The following MYBL1 variants were observed in gnomAD, a reference collection of about 807,000 sequenced individuals.
MYBL1 encodes MYB proto-oncogene like 1.
In MYBL1, 17 loss-of-function variants were observed where a neutral mutation model predicts 96.3. The observed-to-expected ratio is 0.18, with a 90% CI of 0.12 to 0.26. The LOEUF is 0.26. Among genes scored for constraint, MYBL1 ranks in the 10% least tolerant of loss-of-function variants. The probability of loss-of-function intolerance (pLI) is 1.00; values close to 1 mark genes in which losing one functional copy is unlikely to be tolerated. For synonymous variants in MYBL1, 282 were observed against 292.7 expected, an observed-to-expected ratio of 0.96 and a Z score of 0.37; for missense variants, 701 against 882.9, an observed-to-expected ratio of 0.79 and a Z score of 2.61.
chr8:66,586,178 T>C (rs1809414449), intron 8 of MYBL1, among the ~76,000 whole-genome samples: 1 of 151,672 alleles, frequency 6.6e-6, no homozygotes, highest in Non-Finnish European at 1.5e-5. Context: ...TCTGAGTAGC[T>C]GGGACTACAG....
chr8:66,572,745 C>T (rs1370341605), intron 11 of MYBL1, 149 bp from the exon 12 acceptor site: 1 of 399,230 alleles, frequency 2.5e-6, no homozygotes, highest in Non-Finnish European at 4.4e-6. Flanking sequence ...AAAGTATGCC[C>T]ACCTATGGTA....
intron 12 of MYBL1, among the ~76,000 whole-genome samples, chr8:66,569,320 T>G (rs1403604492): frequency 1.3e-5 from 2 of 151,796 alleles, no homozygotes; most frequent in East Asian, 1.9e-4. Context: ...TATTCTATGG[T>G]GCATACGTAC....
At chr8:66,575,003 G>A (rs71515028) in intron 10 of MYBL1, among the ~76,000 whole-genome samples, 5 of 152,158 alleles carry the variant, frequency 3.3e-5, no homozygotes, top group South Asian at 2.1e-4. Flanking sequence ...GCGGTGAGCC[G>A]AGATGGTGCC....
At chr8:66,571,409 T>C (rs1413659374) in intron 12 of MYBL1, among the ~76,000 whole-genome samples, 1 of 152,190 alleles carries the variant, frequency 6.6e-6, no homozygotes, top group Non-Finnish European at 1.5e-5. Flanking sequence ...TGTTTTATGA[T>C]CTCCTTTGCA....
At position 66,576,328 on chromosome 8, in the gene MYBL1, A is replaced by C. The variant is rs1329376958; in HGVS notation, c.1149T>G (p.Ala383=). 1 of 1,613,750 alleles carries C rather than the reference A, an allele frequency of 6.2e-7. No homozygotes were observed. Among genetic ancestry groups the C allele is most frequent in the Admixed American group, 1.7e-5 (1 of 59,958 alleles). ...GGGTGGATTTGATAGGAGAAGCAGC[A>C]GCATCAGAAATATCAAAACTGGTAA... ...SDVTSFDISD[A]AASPIKSTPV... The change falls in exon 10 of 16, where the codon GCT becomes GCG. Residue 383 remains alanine, a synonymous_variant. Transcript: ENST00000522677.
At chr8:66,573,564 T>C in intron 10 of MYBL1, 58 bp from the exon 11 acceptor site, 2 of 1,364,828 alleles carry the variant, frequency 1.5e-6, no homozygotes, top group Non-Finnish European at 2.0e-6. Flanking sequence ...CCTACACAAA[T>C]ATTAAACTGA....
rs749420499 is a variant in MYBL1 at position 66,601,755 on chromosome 8, CTTTAA to C, written c.136_140del (p.Leu46GlufsTer4). The C allele has an allele frequency of 2.6e-6, 4 of 1,525,634 alleles. No homozygotes were observed. The highest frequency in any genetic ancestry group is 1.4e-5 in the African/African-American group (1 of 72,494). The allele number at this position is 1,525,634 out of a possible 1,614,324, so 94.5% of individuals were successfully genotyped here. A position where few individuals can be genotyped will look rare whatever the true frequency, so the allele number is the denominator to read the frequency against. On this transcript the variant is annotated frameshift_variant, in exon 3 of 16. Coordinates refer to ENST00000522677, the MANE Select transcript of MYBL1 (RefSeq NM_001080416.4). LOFTEE classifies it high-confidence loss of function. ...CAGTTCCATGTTGTTCAACCAACTTCTTTAATTTATCATCCTATTAAAACAGTACA... is the reference window on the plus strand; with the variant it reads ...CAGTTCCATGTTGTTCAACCAACTTCTTTATCATCCTATTAAAACAGTACA...
At chr8:66,577,631 A>G (rs1246290114) in intron 9 of MYBL1, among the ~76,000 whole-genome samples, 19 of 152,062 alleles carry the variant, frequency 1.2e-4, no homozygotes, top group Non-Finnish European at 2.6e-4. Context: ...AAGAATCAAT[A>G]TCGTGAAAAT....
chr8:66,597,264 T>C (rs1809889456), intron 5 of MYBL1, 66 bp downstream of exon 5: 2 of 1,156,110 alleles, frequency 1.7e-6, no homozygotes, highest in Non-Finnish European at 2.4e-6. Context: ...TGCAAATGTA[T>C]TTAACAGTAA....
Position 66,566,172 on chromosome 8 carries a change from C to A in MYBL1, c.2022G>T (p.Leu674Phe), listed in dbSNP as rs1808495271. The A allele has an allele frequency of 3.9e-6, 6 of 1,529,924 alleles. No individual in the cohort carries two copies. The highest frequency in any genetic ancestry group is 2.4e-5 in the South Asian group (2 of 83,398). 94.8% of individuals were successfully genotyped at this position (1,529,924 alleles called of 1,614,324 possible). The stretch of plus-strand genomic sequence containing the variant: ...AATTTATATCTTGTTTTTCAGGAAT[C>A]AAGTTGCACCTATTGTCATGTATTT... ...LLEIHDNRCN[L>F]IPEKQDINST... The change falls in exon 15 of 16, where the codon TTG (leucine) becomes TTT (phenylalanine). Residue 674 changes from leucine (L) to phenylalanine (F), a missense_variant. Leu to Phe is a conservative substitution (Grantham distance 22, BLOSUM62 0). Around this residue, in one of 5 missense-constraint regions of MYBL1, gnomAD observed 137 missense variants for 137.5 expected, o/e 1.00. Coordinates refer to ENST00000522677, the MANE Select transcript of MYBL1 (RefSeq NM_001080416.4).
At position 66,576,341 on chromosome 8, in the gene MYBL1, T is replaced by C; in HGVS notation, c.1136A>G (p.Asp379Gly). ...AGGAGAAGCAGCAGCATCAGAAATA[T>C]CAAAACTGGTAACGTCACTCCATGC... is the stretch of plus-strand genomic sequence containing the variant. ...PVAWSDVTSFDISDAAASPIK... is the reference protein window; with the variant it reads ...PVAWSDVTSFGISDAAASPIK... Residue 379 changes from aspartate to glycine, a missense_variant, in exon 10 of 16, where the codon GAT becomes GGT. By Grantham distance (94) the Asp-to-Gly change is moderately conservative. This residue lies in a region of MYBL1 where 396 missense variants were observed against 407.4 expected (regional missense o/e 0.97). Coordinates refer to ENST00000522677, the MANE Select transcript of MYBL1 (RefSeq NM_001080416.4). 1.2e-6 allele frequency: 2 copies of C among 1,613,504 alleles called. No homozygotes were observed. The highest frequency in any genetic ancestry group is 1.7e-6 in the Non-Finnish European group (2 of 1,179,742).
intron 1 of MYBL1, chr8:66,612,014 T>C (rs1416261715): frequency 6.6e-6 from 1 of 152,230 alleles, no homozygotes; most frequent in Non-Finnish European, 1.5e-5. Context: ...GTAGCTGCTG[T>C]AATGGCATGT....
chr8:66,562,601 A>G lies in MYBL1; in HGVS notation c.*2096T>C, dbSNP rs1808373022. 1 of 152,656 alleles carries G rather than the reference A, an allele frequency of 6.6e-6. No homozygotes were observed. The highest frequency in any genetic ancestry group is 2.1e-4 in the South Asian group (1 of 4,834). The allele number at this position is 152,656 out of a possible 1,614,324, so 9.5% of individuals were successfully genotyped here. On this transcript the variant is annotated 3_prime_UTR_variant, in exon 16 of 16. Coordinates refer to ENST00000522677, the MANE Select transcript of MYBL1 (RefSeq NM_001080416.4). ...GATAATTTAATGCTCAAGAAAAAAT[A>G]TGCTTTAAAAAATATAGCCTTACAA...
At chr8:66,573,838 C>A (rs1175448550) in intron 10 of MYBL1, among the ~76,000 whole-genome samples, 3 of 152,092 alleles carry the variant, frequency 2.0e-5, no homozygotes, top group African/African-American at 4.8e-5. Context: ...CCATAAACAG[C>A]TGCTGTGTTA....
Position 66,573,460 on chromosome 8 carries a change from G to A in MYBL1, c.1517C>T (p.Pro506Leu). 6.2e-7 allele frequency: 1 copy of A among 1,611,272 alleles called. No individual in the cohort carries two copies. Among genetic ancestry groups the A allele is most frequent in the Non-Finnish European group, 8.5e-7 (1 of 1,178,682 alleles). The change falls in exon 11 of 16, where the codon CCT becomes CTT. Residue 506 changes from proline (P) to leucine (L), a missense_variant. By Grantham distance (98) the Pro-to-Leu change is moderately conservative. Coordinates refer to ENST00000522677, the MANE Select transcript of MYBL1 (RefSeq NM_001080416.4). Reference sequence around the variant, plus strand: ...ACAAATAGGGGTTGATGTAAATGAAGGATTTTCTATATTAAGTTGTTCATT... The same window carrying A: ...ACAAATAGGGGTTGATGTAAATGAAAGATTTTCTATATTAAGTTGTTCATT... ...PGNEQLNIENPSFTSTPICGQ... is the reference protein window; with the variant it reads ...PGNEQLNIENLSFTSTPICGQ...
intron 8 of MYBL1, among the ~76,000 whole-genome samples, chr8:66,585,479 G>A (rs775396115): frequency 2.6e-5 from 4 of 152,320 alleles, no homozygotes; most frequent in African/African-American, 4.8e-5. Context: ...GTGGCCTCAT[G>A]CCTGTAATCC....
Position 66,566,935 on chromosome 8 carries a change from C to G in MYBL1, c.1786G>C (p.Gly596Arg), listed in dbSNP as rs777150665. ...DIREVLKEET[G>R]TDLFLKEEDE... is the part of the protein sequence containing the mutation. ...TCCTCTTTGAGGAATAGGTCTGTTC[C>G]AGTTTCTTCTTTTAAAACTTCCCGA... The change falls in exon 13 of 16, where the codon GGA becomes CGA. Residue 596 changes from glycine (G) to arginine (R), a missense_variant. By Grantham distance (125) the Gly-to-Arg change is moderately radical. Coordinates refer to ENST00000522677, the MANE Select transcript of MYBL1 (RefSeq NM_001080416.4). The G allele has an allele frequency of 6.2e-7, 1 of 1,613,234 alleles. No individual in the cohort carries two copies. Among genetic ancestry groups the G allele is most frequent in the Non-Finnish European group, 8.5e-7 (1 of 1,179,594 alleles).
chr8:66,582,124 G>A, intron 8 of MYBL1, among the ~76,000 whole-genome samples: 1 of 151,932 alleles, frequency 6.6e-6, no homozygotes, highest in Middle Eastern at 3.2e-3. Flanking sequence ...GAGGAAGAAA[G>A]GAACAAAGAA....
chr8:66,605,896 C>G (rs916071987), intron 1 of MYBL1, among the ~76,000 whole-genome samples: 4 of 152,192 alleles, frequency 2.6e-5, no homozygotes, highest in Non-Finnish European at 5.9e-5. Flanking sequence ...GAAAATAACA[C>G]AGTCTACCAT....
Sources: gnomAD v4.1 joint callset for allele counts (sites outside exome capture counted in the v4.1 genomes callset) on GRCh38, gnomAD v4.1.1 for gene constraint, gnomAD v4.1.1 regional missense constraint, MANE v1.5 for transcripts, NCBI Gene and HGNC (gene_info 2026-07-23, HGNC 2026-07-21) for gene names.